Variants in LIPI observed in about 807,000 individuals in gnomAD.
LIPI encodes lipase I.
In LIPI, 59 loss-of-function variants were observed where a neutral mutation model predicts 50.6. The ratio of observed to expected loss-of-function variants is 1.16; its 90% CI spans 0.94 to 1.45. LIPI has a LOEUF of 1.45. Ranked by LOEUF, LIPI falls within the 40% of genes most tolerant of loss-of-function variation. The pLI is 0.00. For missense variants in LIPI, 586 were observed against 536.3 expected, an observed-to-expected ratio of 1.09 and a Z score of -0.92; for synonymous variants, 203 against 178.2, an observed-to-expected ratio of 1.14 and a Z score of -1.11.
At chr21:14,204,350 GAA>G (rs1240368823) in intron 1 of LIPI, among the ~76,000 whole-genome samples, 1 of 150,842 alleles carries the variant, frequency 6.6e-6, no homozygotes, top group Non-Finnish European at 1.5e-5. Flanking sequence ...AAAACAGAAA[GAA>G]GAGGAAAAGA....
At chr21:14,177,160 A>C (rs2019126263) in intron 4 of LIPI, among the ~76,000 whole-genome samples, 1 of 152,130 alleles carries the variant, frequency 6.6e-6, no homozygotes, top group Admixed American at 6.5e-5. Flanking sequence ...ACAAACTACA[A>C]TTGTTATATC....
In LIPI at chr21:14,185,977, T is replaced by G. The variant is rs2019440011; in HGVS notation, c.525A>C (p.Gln175His). 2 of 1,548,670 alleles carry G rather than the reference T, an allele frequency of 1.3e-6. No homozygotes were observed. The highest frequency in any genetic ancestry group is 1.7e-4 in the Middle Eastern group (1 of 5,958). ...TAATTTTACCTGTTATTCTTCCAAG[T>G]TGACCATGAAATATCTTTCCAACAA... The part of the protein sequence containing the change: ...SGFVGKIFHG[Q>H]LGRITGLDPA... The change falls in exon 3 of 10, where the codon CAA (glutamine) becomes CAC (histidine). Residue 175 changes from glutamine (Q) to histidine (H), a missense_variant. Coordinates refer to ENST00000681601, the MANE Select transcript of LIPI (RefSeq NM_001302998.2).
At chr21:14,208,660 T>G (rs1040141370) in intron 1 of LIPI, among the ~76,000 whole-genome samples, 3 of 152,258 alleles carry the variant, frequency 2.0e-5, no homozygotes, top group Non-Finnish European at 2.9e-5. Context: ...TTATGCATTA[T>G]CTACTGCTGC....
At chr21:14,204,351 A>G (rs1212516855) in intron 1 of LIPI, among the ~76,000 whole-genome samples, 1 of 151,854 alleles carries the variant, frequency 6.6e-6, no homozygotes, top group Non-Finnish European at 1.5e-5. Context: ...AAACAGAAAG[A>G]AGAGGAAAAG....
intron 7 of LIPI, among the ~76,000 whole-genome samples, chr21:14,162,366 C>T (rs2018529423): frequency 6.6e-6 from 1 of 151,590 alleles, no homozygotes; most frequent in South Asian, 2.1e-4. Context: ...TGGTGATGAA[C>T]TGTTCAGCAG....
chr21:14,181,231 A>G (rs2019258424), intron 4 of LIPI, among the ~76,000 whole-genome samples: 1 of 152,214 alleles, frequency 6.6e-6, no homozygotes, highest in East Asian at 1.9e-4. Context: ...TGTCTGTTCA[A>G]TTGTACTCTG....
chr21:14,137,154 C>T (rs1397911598), intron 9 of LIPI, among the ~76,000 whole-genome samples: 1 of 152,044 alleles, frequency 6.6e-6, no homozygotes, highest in Admixed American at 6.5e-5. Context: ...CAATAAACAC[C>T]TAACTCTTCA....
intron 7 of LIPI, among the ~76,000 whole-genome samples, chr21:14,158,741 C>A (rs750832144): frequency 2.6e-3 from 391 of 150,524 alleles, no homozygotes; most frequent in Middle Eastern, 0.01. Context: ...AATCGATAAA[C>A]CATTTTGTCT....
At chr21:14,118,730 C>G (rs919702770) in intron 9 of LIPI, among the ~76,000 whole-genome samples, 1 of 152,180 alleles carries the variant, frequency 6.6e-6, no homozygotes, top group Admixed American at 6.5e-5. Context: ...AGAGGACAGT[C>G]CCCCGGGGCT....
intron 4 of LIPI, among the ~76,000 whole-genome samples, chr21:14,174,667 C>T (rs964036036): frequency 1.3e-5 from 2 of 152,120 alleles, no homozygotes; most frequent in African/African-American, 4.8e-5. Flanking sequence ...AATTCTCCTG[C>T]CTCAGCCTCC....
chr21:14,128,454 A>G (rs2122981902), intron 9 of LIPI, among the ~76,000 whole-genome samples: 1 of 152,198 alleles, frequency 6.6e-6, no homozygotes, highest in South Asian at 2.1e-4. Flanking sequence ...CTGTGTATCA[A>G]CTCTGGATTT....
intron 3 of LIPI, among the ~76,000 whole-genome samples, chr21:14,182,283 G>A (rs922462622): frequency 6.6e-6 from 1 of 152,084 alleles, no homozygotes; most frequent in Admixed American, 6.6e-5. Context: ...TTTTTTAGGT[G>A]CCAAATATAA....
intron 7 of LIPI, among the ~76,000 whole-genome samples, chr21:14,154,332 C>A (rs2018202246): frequency 6.6e-6 from 1 of 151,924 alleles, no homozygotes; most frequent in Non-Finnish European, 1.5e-5. Context: ...CTGTCCTAAA[C>A]TATCTTTTCA....
chr21:14,134,590 A>G (rs1212386300), intron 9 of LIPI, among the ~76,000 whole-genome samples: 1 of 152,154 alleles, frequency 6.6e-6, no homozygotes, highest in Non-Finnish European at 1.5e-5. Context: ...GTATAAAAAT[A>G]GACACACAGA....
rs1213955767 is a variant in LIPI, at chr21:14,181,757, C to T, written c.643+1G>A. On this transcript the variant is annotated splice_donor_variant, in intron 4 of 9. Transcript: ENST00000681601. LOFTEE classifies it high-confidence loss of function. ...TTAGGTAATAAATCCTGATTTGTTA[C>T]CATTGGAGTCAGAATGGATGACATC... 1 of 1,562,564 alleles carries T rather than the reference C, an allele frequency of 6.4e-7. No individual in the cohort carries two copies. The highest frequency in any genetic ancestry group is 1.7e-5 in the Admixed American group (1 of 59,726).
chr21:14,176,772 T>A (rs1048874905), intron 4 of LIPI, among the ~76,000 whole-genome samples: 1 of 150,934 alleles, frequency 6.6e-6, no homozygotes, highest in African/African-American at 2.4e-5. Flanking sequence ...GCTCTGATTA[T>A]ATTTATTTAT....
chr21:14,111,300 T>G (rs938540421), intron 9 of LIPI, among the ~76,000 whole-genome samples: 2 of 152,084 alleles, frequency 1.3e-5, no homozygotes, highest in African/African-American at 4.8e-5. Flanking sequence ...CATGAGGTGA[T>G]AGCTCATTGT....
intron 9 of LIPI, among the ~76,000 whole-genome samples, chr21:14,124,470 C>G (rs1013420859): frequency 6.6e-6 from 1 of 152,160 alleles, no homozygotes. Flanking sequence ...GCTCAGCGAG[C>G]CTTATCTGTA....
At chr21:14,138,952 C>T (rs1214084378) in intron 9 of LIPI, among the ~76,000 whole-genome samples, 3 of 151,924 alleles carry the variant, frequency 2.0e-5, no homozygotes, top group Non-Finnish European at 4.4e-5. Flanking sequence ...TCCCATTTTA[C>T]AGGTAAGGAA....
Sources: gnomAD v4.1 joint callset for allele counts (sites outside exome capture counted in the v4.1 genomes callset) on GRCh38, gnomAD v4.1.1 for gene constraint, MANE v1.5 for transcripts, NCBI Gene and HGNC (gene_info 2026-07-23, HGNC 2026-07-21) for gene names.